The following OSBPL1A variants were observed in gnomAD, a reference collection of about 807,000 sequenced individuals.
The protein encoded by OSBPL1A is oxysterol binding protein like 1A.
OSBPL1A carries 80 observed loss-of-function variants against 137.1 expected under a neutral mutation model. That is an observed-to-expected ratio of 0.58 (90% CI 0.49 to 0.70). The LOEUF (loss-of-function observed/expected upper bound fraction) is 0.70, where lower values mean the gene tolerates loss of function less well. Among genes scored for constraint, OSBPL1A ranks in the 30% least tolerant of loss-of-function variants. OSBPL1A has a pLI of 0.00. For synonymous variants in OSBPL1A, 365 were observed against 389.7 expected (o/e 0.94, Z 0.75); for missense variants, 970 against 1,129.4 (o/e 0.86, Z 2.02).
rs1415077764 is a variant in OSBPL1A, at chr18:24,192,939, T to C, written c.1677+3186A>G. On this transcript the variant is annotated intron_variant, in intron 18 of 27. Transcript: ENST00000319481. ...CTGGTTGAGTGTGGAATTGTGGGGC[T>C]GTCACCCGCAGGATGCTTACACCCC... 2.0e-5 allele frequency among the ~76,000 whole-genome samples: 3 copies of C among 152,208 alleles called. No homozygotes were observed. In the East Asian group the frequency reaches 5.8e-4, roughly 29 times the overall value.
At chr18:24,345,470 T>G (rs1391729148) in intron 4 of OSBPL1A, among the ~76,000 whole-genome samples, 2 of 152,082 alleles carry the variant, frequency 1.3e-5, no homozygotes, top group Non-Finnish European at 2.9e-5. Flanking sequence ...GCGGATCACT[T>G]GAGATCAGGA....
chr18:24,207,297 T>C (rs2087402760), intron 17 of OSBPL1A, among the ~76,000 whole-genome samples: 1 of 152,222 alleles, frequency 6.6e-6, no homozygotes, highest in South Asian at 2.1e-4. Context: ...TTGGCCAGGC[T>C]GGTCTCGAAC....
chr18:24,270,649 A>G (rs1264125467), intron 15 of OSBPL1A, among the ~76,000 whole-genome samples: 1 of 152,182 alleles, frequency 6.6e-6, no homozygotes, highest in Non-Finnish European at 1.5e-5. Context: ...TGCCAAAGAC[A>G]TCAGCTTAGG....
intron 4 of OSBPL1A, among the ~76,000 whole-genome samples, chr18:24,344,023 G>C (rs956799176): frequency 6.6e-6 from 1 of 151,862 alleles, no homozygotes; most frequent in Non-Finnish European, 1.5e-5. Context: ...CCAGAGAACA[G>C]GAAAAAATAC....
chr18:24,228,548 T>C (rs988045107), intron 16 of OSBPL1A, among the ~76,000 whole-genome samples: 1 of 152,174 alleles, frequency 6.6e-6, no homozygotes, highest in Non-Finnish European at 1.5e-5. Flanking sequence ...ATCTGGTCCC[T>C]GCGCATGGCC....
In OSBPL1A at chr18:24,311,480, G is replaced by A. The variant is rs550203963; in HGVS notation, c.1092+504C>T. 6.1e-6 allele frequency: 6 copies of A among 985,970 alleles called. No individual in the cohort carries two copies. In the East Asian group the frequency reaches 4.5e-4, roughly 74 times the overall value. The allele number at this position is 985,970 out of a possible 1,614,324, so 61.1% of individuals were successfully genotyped here. On this transcript the variant is annotated intron_variant, in intron 13 of 27. Coordinates refer to ENST00000319481, the MANE Select transcript of OSBPL1A (RefSeq NM_080597.4). ...TATGCTGATATTCCTCTAGGGATAAGGCACTGGTGTCACTTCAGAAGACTT... is the reference window on the plus strand; with the variant it reads ...TATGCTGATATTCCTCTAGGGATAAAGCACTGGTGTCACTTCAGAAGACTT...
chr18:24,179,872 C>A, intron 19 of OSBPL1A, 37 bp from the exon 20 acceptor site: 1 of 1,533,994 alleles, frequency 6.5e-7, no homozygotes, highest in Non-Finnish European at 9.0e-7. Flanking sequence ...CAAAAATAGC[C>A]GAGCTCGCTC....
chr18:24,217,315 T>C (rs56237364), intron 17 of OSBPL1A, among the ~76,000 whole-genome samples: 49,776 of 148,982 alleles, frequency 0.33, 9,489 homozygotes, highest in Middle Eastern at 0.51. Flanking sequence ...TGGAGTGCAG[T>C]GGTGTGATCT....
At chr18:24,237,886 A>G (rs1048510065) in intron 16 of OSBPL1A, among the ~76,000 whole-genome samples, 2 of 152,048 alleles carry the variant, frequency 1.3e-5, no homozygotes, top group African/African-American at 2.4e-5. Flanking sequence ...TCTCTTCCCA[A>G]CGTGAGTCAC....
At chr18:24,313,106 A>G (rs1425110810) in intron 12 of OSBPL1A, among the ~76,000 whole-genome samples, 2 of 151,228 alleles carry the variant, frequency 1.3e-5, no homozygotes, top group Non-Finnish European at 2.9e-5. Context: ...CTTGGGTGAC[A>G]GAGCAAGGGA....
At chr18:24,343,199 C>T (rs113701464) in intron 4 of OSBPL1A, among the ~76,000 whole-genome samples, 44 of 151,732 alleles carry the variant, frequency 2.9e-4, no homozygotes, top group African/African-American at 9.7e-4. Flanking sequence ...AAAGGGAAAC[C>T]AAGAAAAACA....
chr18:24,368,396 AT>A lies in OSBPL1A; in HGVS notation c.122-25del, dbSNP rs764039799. 1.9e-5 allele frequency: 30 copies of A among 1,541,250 alleles called. No individual in the cohort carries two copies. In the Middle Eastern group the frequency reaches 5.1e-4, roughly 26 times the overall value. Reference sequence around the variant, plus strand: ...TCCTAAAAATGGAAAAATATAAGGTATTTTTAGGTCATATTTAGGTAATTTT... The same window carrying A: ...TCCTAAAAATGGAAAAATATAAGGTATTTTAGGTCATATTTAGGTAATTTT... On this transcript the variant is annotated intron_variant, in intron 2 of 27. Transcript: ENST00000319481.
intron 3 of OSBPL1A, chr18:24,367,803 T>C (rs1474313321): frequency 6.6e-6 from 1 of 152,276 alleles, no homozygotes; most frequent in Non-Finnish European, 1.5e-5. Context: ...AATGTACAGA[T>C]GAATTGTAAG....
intron 16 of OSBPL1A, 31 bp from the exon 17 acceptor site, chr18:24,225,229 T>C (rs2088036786): frequency 3.1e-6 from 5 of 1,612,672 alleles, no homozygotes; most frequent in East Asian, 4.5e-5. Flanking sequence ...AGTTAATGAA[T>C]TGAACTTGGG....
intron 17 of OSBPL1A, among the ~76,000 whole-genome samples, chr18:24,212,421 G>C (rs374827520): frequency 1.2e-4 from 18 of 152,146 alleles, no homozygotes; most frequent in African/African-American, 4.3e-4. Context: ...AAATAAATAA[G>C]ATAGTCTGAA....
At chr18:24,216,065 C>T (rs144160484) in intron 17 of OSBPL1A, among the ~76,000 whole-genome samples, 133 of 152,252 alleles carry the variant, frequency 8.7e-4, no homozygotes, top group African/African-American at 2.9e-3. Context: ...GAGAAAATAA[C>T]GAGACCTCTG....
At chr18:24,274,233 CAAAAA>C (rs5823419) in intron 15 of OSBPL1A, among the ~76,000 whole-genome samples, 56 of 110,390 alleles carry the variant, frequency 5.1e-4, no homozygotes, top group African/African-American at 1.7e-3. Context: ...GACTCCTTCA[CAAAAA>C]AAAAAAAAAA....
chr18:24,318,601 C>T lies in OSBPL1A; in HGVS notation c.732G>A (p.Lys244=), dbSNP rs773274611. The T allele has an allele frequency of 1.9e-6, 3 of 1,607,086 alleles. No individual in the cohort carries two copies. Among genetic ancestry groups the T allele is most frequent in the Non-Finnish European group, 2.5e-6 (3 of 1,178,138 alleles). ...ALKRYEGPLW[K]SSRFFGWRLF... ...TAATTAAAAAACCACCTCAACTTAC[C>T]TTCCAGAGAGGGCCCTCATATCGTT... Residue 244 remains lysine (K), a splice_region_variant and synonymous_variant, in exon 9 of 28, where the codon AAG becomes AAA. Transcript: ENST00000319481.
chr18:24,196,839 G>A (rs1307621325), intron 17 of OSBPL1A, among the ~76,000 whole-genome samples: 1 of 152,194 alleles, frequency 6.6e-6, no homozygotes, highest in East Asian at 1.9e-4. Context: ...TACAGAAAGA[G>A]CATCTTCGAA....
Sources: allele counts gnomAD v4.1 joint callset (sites outside exome capture counted in the v4.1 genomes callset), GRCh38; gene constraint gnomAD v4.1.1; transcripts MANE v1.5; gene names NCBI Gene and HGNC (gene_info 2026-07-23, HGNC 2026-07-21).